The following PTPRM variants were observed in gnomAD, a reference collection of about 807,000 sequenced individuals.
PTPRM encodes receptor-type tyrosine-protein phosphatase mu.
PTPRM carries 47 observed loss-of-function variants against 186.7 expected under a neutral mutation model. The observed-to-expected ratio is 0.25, with a 90% confidence interval of 0.20 to 0.32. The LOEUF (loss-of-function observed/expected upper bound fraction) is 0.32. Ranked by LOEUF, PTPRM falls within the 10% of genes least tolerant of loss-of-function variation. The pLI is 1.00. For synonymous variants in PTPRM, 668 were observed against 674.9 expected (o/e 0.99, Z 0.16); for missense variants, 1,494 against 1,865.0 (o/e 0.80, Z 3.66).
intron 7 of PTPRM, among the ~76,000 whole-genome samples, chr18:7,976,614 G>T (rs1413279275): frequency 1.3e-5 from 2 of 150,646 alleles, no homozygotes; most frequent in Non-Finnish European, 3.0e-5. Context: ...TTTTATTTAT[G>T]AAAAAAAAAG....
chr18:8,238,193 T>C (rs1438664036), intron 14 of PTPRM, among the ~76,000 whole-genome samples: 1 of 152,230 alleles, frequency 6.6e-6, no homozygotes, highest in East Asian at 1.9e-4. Flanking sequence ...ATATTTCTTC[T>C]GTTCCTTTCT....
At chr18:7,787,809 G>T (rs985072835) in intron 2 of PTPRM, among the ~76,000 whole-genome samples, 1 of 152,208 alleles carries the variant, frequency 6.6e-6, no homozygotes, top group African/African-American at 2.4e-5. Flanking sequence ...TTGTTCAAGT[G>T]GGTAATATCT....
At chr18:7,948,176 C>G (rs1026259728) in intron 5 of PTPRM, among the ~76,000 whole-genome samples, 1 of 138,044 alleles carries the variant, frequency 7.2e-6, no homozygotes, top group African/African-American at 2.6e-5. Flanking sequence ...CACACACACA[C>G]AGGTTTCCGC....
chr18:7,687,762 AAC>A (rs1332816592), intron 1 of PTPRM, among the ~76,000 whole-genome samples: 2 of 151,768 alleles, frequency 1.3e-5, no homozygotes, highest in African/African-American at 4.9e-5. Flanking sequence ...ATGGAGCATA[AAC>A]AAGGAGCTAT....
intron 23 of PTPRM, among the ~76,000 whole-genome samples, chr18:8,369,312 T>G (rs573349803): frequency 3.3e-4 from 51 of 152,374 alleles, no homozygotes; most frequent in African/African-American, 1.1e-3. Context: ...TAGGAGATTC[T>G]TGAGCAGAAC....
intron 7 of PTPRM, among the ~76,000 whole-genome samples, chr18:8,041,144 A>G (rs1344378657): frequency 6.6e-6 from 1 of 152,182 alleles, no homozygotes; most frequent in Non-Finnish European, 1.5e-5. Flanking sequence ...TTATTTCTGT[A>G]CCACATTATA....
intron 14 of PTPRM, among the ~76,000 whole-genome samples, chr18:8,234,090 G>A (rs1412540417): frequency 6.6e-6 from 1 of 152,096 alleles, no homozygotes; most frequent in Non-Finnish European, 1.5e-5. Context: ...TCAGTATTGT[G>A]TTGGCTATTC....
At chr18:7,800,161 C>T (rs2043879665) in intron 2 of PTPRM, among the ~76,000 whole-genome samples, 1 of 152,128 alleles carries the variant, frequency 6.6e-6, no homozygotes, top group African/African-American at 2.4e-5. Flanking sequence ...TTAAATCCCC[C>T]CCTTCAGTTG....
At chr18:7,976,358 T>C (rs959293105) in intron 7 of PTPRM, among the ~76,000 whole-genome samples, 5 of 152,210 alleles carry the variant, frequency 3.3e-5, no homozygotes, top group Non-Finnish European at 7.3e-5. Flanking sequence ...GAAATTATTC[T>C]GTATGATACT....
chr18:7,571,174 T>C (rs529149395), intron 1 of PTPRM, among the ~76,000 whole-genome samples: 1 of 152,220 alleles, frequency 6.6e-6, no homozygotes, highest in African/African-American at 2.4e-5. Context: ...TCTCTTGACC[T>C]TGTGATCTGC....
At chr18:8,317,705 A>G (rs1475562980) in intron 21 of PTPRM, among the ~76,000 whole-genome samples, 4 of 152,162 alleles carry the variant, frequency 2.6e-5, no homozygotes, top group African/African-American at 9.7e-5. Flanking sequence ...GGAAGAAAGC[A>G]TTTTAAGGGG....
intron 23 of PTPRM, among the ~76,000 whole-genome samples, chr18:8,368,733 T>C (rs2095647254): frequency 6.6e-6 from 1 of 152,228 alleles, no homozygotes; most frequent in African/African-American, 2.4e-5. Context: ...AGATTTCTTT[T>C]GTAAACTTTC....
At position 7,748,948 on chromosome 18, in the gene PTPRM, G is replaced by A. The variant is rs548637889; in HGVS notation, c.74-25201G>A. Reference sequence around the variant, plus strand: ...AAAAAGTTTAGACCAATTTGTCCATGTTAAACTCTAGTATAATTTCAGAAT... The same window carrying A: ...AAAAAGTTTAGACCAATTTGTCCATATTAAACTCTAGTATAATTTCAGAAT... On this transcript the variant is annotated intron_variant, in intron 1 of 32. Coordinates refer to ENST00000580170, the MANE Select transcript of PTPRM (RefSeq NM_001105244.2). The A allele has an allele frequency of 3.9e-5, 6 of 152,302 alleles. No individual in the cohort carries two copies. In the South Asian group the frequency reaches 1.0e-3, roughly 26 times the overall value. The allele number at this position is 152,302 out of a possible 1,614,324, so 9.4% of individuals were successfully genotyped here. A position where few individuals can be genotyped will look rare whatever the true frequency, so the allele number is the denominator to read the frequency against.
chr18:7,619,598 C>G (rs1486968647), intron 1 of PTPRM, among the ~76,000 whole-genome samples: 1 of 152,158 alleles, frequency 6.6e-6, no homozygotes, highest in Non-Finnish European at 1.5e-5. Context: ...GTTGAAGACA[C>G]AGGGGAGAAG....
intron 13 of PTPRM, among the ~76,000 whole-genome samples, chr18:8,118,310 G>A (rs952250427): frequency 1.3e-5 from 2 of 152,100 alleles, no homozygotes; most frequent in Non-Finnish European, 1.5e-5. Flanking sequence ...GTGCCTCCTT[G>A]ATTTATAAAA....
chr18:7,921,537 C>T (rs532119708), intron 4 of PTPRM, among the ~76,000 whole-genome samples: 23 of 152,026 alleles, frequency 1.5e-4, no homozygotes, highest in Non-Finnish European at 2.8e-4. Flanking sequence ...CCTGCCACCA[C>T]GCCCATCTAA....
chr18:8,117,534 T>G (rs2092001853), intron 13 of PTPRM, among the ~76,000 whole-genome samples: 1 of 152,226 alleles, frequency 6.6e-6, no homozygotes, highest in Non-Finnish European at 1.5e-5. Flanking sequence ...ATTATTTTAA[T>G]CATATTCCAA....
chr18:8,104,984 G>GA (rs1382882749), intron 11 of PTPRM, among the ~76,000 whole-genome samples: 1 of 152,112 alleles, frequency 6.6e-6, no homozygotes, highest in Non-Finnish European at 1.5e-5. Context: ...GAGAAATGCA[G>GA]ACTGCAGGAG....
chr18:7,690,167 C>T (rs937688946), intron 1 of PTPRM, among the ~76,000 whole-genome samples: 3 of 152,212 alleles, frequency 2.0e-5, no homozygotes. Context: ...GAAAGCTAGA[C>T]TTCTCTGTTA....
Sources: gnomAD v4.1 joint callset for allele counts (sites outside exome capture counted in the v4.1 genomes callset) on GRCh38, gnomAD v4.1.1 for gene constraint, MANE v1.5 for transcripts, NCBI Gene and HGNC (gene_info 2026-07-23, HGNC 2026-07-21) for gene names.